The following STXBP5L variants were observed in gnomAD, a reference collection of about 807,000 sequenced individuals.
STXBP5L encodes syntaxin binding protein 5L.
STXBP5L carries 65 observed loss-of-function variants against 144.5 expected under a neutral mutation model. The ratio of observed to expected loss-of-function variants is 0.45; its 90% CI spans 0.37 to 0.55. STXBP5L has a LOEUF of 0.55. Ranked by LOEUF, STXBP5L falls within the 20% of genes least tolerant of loss-of-function variation. The pLI is 0.00. For synonymous variants in STXBP5L, 505 were observed against 469.6 expected, an observed-to-expected ratio of 1.08 and a Z score of -0.97; for missense variants, 1,298 against 1,405.5, an observed-to-expected ratio of 0.92 and a Z score of 1.22.
At chr3:121,400,027 A>C (rs1243161818) in intron 22 of STXBP5L, among the ~76,000 whole-genome samples, 1 of 152,230 alleles carries the variant, frequency 6.6e-6, no homozygotes, top group Non-Finnish European at 1.5e-5. Flanking sequence ...CTGAGTCTAC[A>C]AAAATGAAAC....
intron 3 of STXBP5L, among the ~76,000 whole-genome samples, chr3:120,977,968 G>A (rs1009485622): frequency 8.5e-5 from 13 of 152,144 alleles, no homozygotes; most frequent in African/African-American, 2.7e-4. Flanking sequence ...GTCTCTGGCT[G>A]CCCTTAACAT....
intron 20 of STXBP5L, among the ~76,000 whole-genome samples, chr3:121,353,154 G>A (rs1029183356): frequency 1.3e-5 from 2 of 151,908 alleles, no homozygotes; most frequent in African/African-American, 2.4e-5. Flanking sequence ...TTTTTTTGTT[G>A]TGTCTCTGCC....
At chr3:121,107,725 G>A (rs536258669) in intron 5 of STXBP5L, among the ~76,000 whole-genome samples, 2 of 149,240 alleles carry the variant, frequency 1.3e-5, no homozygotes, top group South Asian at 2.1e-4. Context: ...GAATTTTAAA[G>A]TAGTTTTTTC....
chr3:121,045,637 G>T, intron 5 of STXBP5L, 102 bp downstream of exon 5: 1 of 991,324 alleles, frequency 1.0e-6, no homozygotes, highest in South Asian at 1.7e-5. Context: ...AATCTCAACA[G>T]CTAGAAATAA....
intron 3 of STXBP5L, among the ~76,000 whole-genome samples, chr3:120,997,791 G>C (rs528512746): frequency 1.3e-5 from 2 of 152,130 alleles, no homozygotes; most frequent in South Asian, 4.1e-4. Flanking sequence ...GAAAACTTCA[G>C]GTCAATATTG....
Position 121,142,307 on chromosome 3 carries a change from T to C in STXBP5L, c.670-10170T>C, listed in dbSNP as rs569258774. 4.6e-5 allele frequency among the ~76,000 whole-genome samples: 7 copies of C among 152,148 alleles called. No individual in the cohort carries two copies. In the East Asian group the frequency reaches 9.7e-4, roughly 21 times the overall value. ...GGAGAAATAGATAGCAATGCAATCA[T>C]AGTAAGAGACTTCAGTACTCTACTT... is the stretch of plus-strand genomic sequence containing the variant. On this transcript the variant is annotated intron_variant, in intron 7 of 26. Coordinates refer to ENST00000471454, the MANE Select transcript of STXBP5L (RefSeq NM_001308330.2).
At chr3:121,038,634 T>TA (rs1288138899) in intron 3 of STXBP5L, among the ~76,000 whole-genome samples, 17 of 151,952 alleles carry the variant, frequency 1.1e-4, no homozygotes, top group Admixed American at 1.1e-3. Context: ...GCCTTTTACT[T>TA]ATGTCTTCTT....
chr3:121,418,033 G>C (rs957478970), intron 25 of STXBP5L, among the ~76,000 whole-genome samples: 1 of 152,086 alleles, frequency 6.6e-6, no homozygotes. Flanking sequence ...ATTAATATGG[G>C]TTAAATATGA....
chr3:121,312,716 C>T (rs1272018356), intron 19 of STXBP5L, among the ~76,000 whole-genome samples: 1 of 151,462 alleles, frequency 6.6e-6, no homozygotes, highest in Non-Finnish European at 1.5e-5. Context: ...TCTTGCACCG[C>T]CCTTAATCCA....
intron 3 of STXBP5L, among the ~76,000 whole-genome samples, chr3:120,963,287 C>A (rs1274152812): frequency 6.6e-6 from 1 of 152,254 alleles, no homozygotes; most frequent in Middle Eastern, 3.4e-3. Context: ...TGTTTGATTG[C>A]CCTGGCCAGA....
chr3:121,229,297 T>C (rs967752488), intron 11 of STXBP5L, among the ~76,000 whole-genome samples: 1 of 152,180 alleles, frequency 6.6e-6, no homozygotes, highest in African/African-American at 2.4e-5. Flanking sequence ...TCTATTTCCT[T>C]CCTAAATCCA....
At chr3:121,139,920 A>C (rs982857153) in intron 7 of STXBP5L, among the ~76,000 whole-genome samples, 4 of 152,080 alleles carry the variant, frequency 2.6e-5, no homozygotes, top group African/African-American at 9.7e-5. Flanking sequence ...TCAACTATAC[A>C]TTCAAGAGTA....
chr3:121,246,103 A>G (rs1185669408), intron 14 of STXBP5L, among the ~76,000 whole-genome samples: 2 of 152,202 alleles, frequency 1.3e-5, no homozygotes, highest in Non-Finnish European at 2.9e-5. Flanking sequence ...TAGGCCACAC[A>G]GCAGGAGGTA....
intron 5 of STXBP5L, among the ~76,000 whole-genome samples, chr3:121,046,822 C>T (rs766979116): frequency 2.0e-5 from 3 of 151,898 alleles, no homozygotes; most frequent in Non-Finnish European, 4.4e-5. Context: ...ACTCATTGAT[C>T]TTTTGTATGG....
chr3:121,026,345 A>T lies in STXBP5L; in HGVS notation c.288-15355A>T, dbSNP rs922209650. Among the ~76,000 whole-genome samples the T allele has an allele frequency of 3.3e-5, 5 of 152,024 alleles. 1 individual carries two copies. The highest frequency in any genetic ancestry group is 7.4e-5 in the Non-Finnish European group (5 of 67,932). The stretch of plus-strand genomic sequence containing the variant: ...GCCTGAGCTTTAAAGTCACCTACTA[A>T]CAGAGCCTTTCCTTAAGAGACAACC... On this transcript the variant is annotated intron_variant, in intron 3 of 26. Coordinates refer to ENST00000471454, the MANE Select transcript of STXBP5L (RefSeq NM_001308330.2).
chr3:121,154,327 A>G (rs1293317682), intron 8 of STXBP5L, among the ~76,000 whole-genome samples: 2 of 151,690 alleles, frequency 1.3e-5, no homozygotes, highest in African/African-American at 2.4e-5. Flanking sequence ...TACCTCTCAT[A>G]TCTAGAAAGC....
At chr3:121,148,210 A>G (rs913159875) in intron 7 of STXBP5L, among the ~76,000 whole-genome samples, 1 of 152,156 alleles carries the variant, frequency 6.6e-6, no homozygotes, top group South Asian at 2.1e-4. Flanking sequence ...GTACATTAAC[A>G]AAACAGTTAT....
chr3:121,066,521 C>G (rs1180055102), intron 5 of STXBP5L, among the ~76,000 whole-genome samples: 1 of 151,906 alleles, frequency 6.6e-6, no homozygotes, highest in African/African-American at 2.4e-5. Flanking sequence ...ATCAGTTGAT[C>G]TTTAAATGTT....
chr3:121,385,998 C>T (rs138393986), intron 22 of STXBP5L, among the ~76,000 whole-genome samples: 3 of 152,162 alleles, frequency 2.0e-5, no homozygotes, highest in Admixed American at 2.0e-4. Context: ...TGATGAAAAA[C>T]TTTATTAAAG....
Sources: allele counts gnomAD v4.1 joint callset (sites outside exome capture counted in the v4.1 genomes callset), GRCh38; gene constraint gnomAD v4.1.1; transcripts MANE v1.5; gene names NCBI Gene and HGNC (gene_info 2026-07-23, HGNC 2026-07-21).